The following PLA2R1 variants were observed in gnomAD, a reference collection of about 807,000 sequenced individuals.
PLA2R1 encodes the protein phospholipase A2 receptor 1.
Under a neutral mutation model 195.9 loss-of-function variants are expected in PLA2R1, and 158 were observed. The ratio of observed to expected loss-of-function variants is 0.81; its 90% CI spans 0.71 to 0.92. The LOEUF is 0.92. Among genes scored for constraint, PLA2R1 ranks in the 40% least tolerant of loss-of-function variants. The probability of loss-of-function intolerance (pLI) is 0.00; values close to 1 mark genes in which losing one functional copy is unlikely to be tolerated. For missense variants in PLA2R1, 1,626 were observed against 1,764.6 expected (o/e 0.92, Z 1.41); for synonymous variants, 586 against 598.2 (o/e 0.98, Z 0.30).
At position 159,941,151 on chromosome 2, in the gene PLA2R1, GT is replaced by G. The variant is rs1358519442; in HGVS notation, c.*626del. 6.6e-6 allele frequency: 1 copy of G among 152,144 alleles called. No homozygotes were observed. The highest frequency in any genetic ancestry group is 2.4e-5 in the African/African-American group (1 of 41,436). 9.4% of individuals were successfully genotyped at this position (152,144 alleles called of 1,614,324 possible). On this transcript the variant is annotated 3_prime_UTR_variant, in exon 30 of 30. Coordinates refer to ENST00000283243, the MANE Select transcript of PLA2R1 (RefSeq NM_007366.5). ...GAAGGTCTTTGCCATTTAAAAGAAG[GT>G]ATTTTTCTTTCTCCTTTAGCTTGAG... is the stretch of plus-strand genomic sequence containing the variant.
chr2:160,025,629 T>A (rs1693467503), intron 6 of PLA2R1, among the ~76,000 whole-genome samples: 4 of 105,286 alleles, frequency 3.8e-5, no homozygotes, highest in Admixed American at 2.0e-4. Context: ...GATACACAAC[T>A]GATAAAGAGA....
At chr2:160,000,861 C>T (rs774793914) in intron 11 of PLA2R1, among the ~76,000 whole-genome samples, 4 of 151,882 alleles carry the variant, frequency 2.6e-5, no homozygotes, top group Non-Finnish European at 5.9e-5. Context: ...TAAAATGCAT[C>T]CTTGAGAGAC....
In PLA2R1 at chr2:160,016,697, C is replaced by T. The variant is rs1307122048; in HGVS notation, c.1468G>A (p.Val490Ile). The T allele has an allele frequency of 8.2e-6, 13 of 1,586,716 alleles. No homozygotes were observed. The highest frequency in any genetic ancestry group is 1.1e-5 in the South Asian group (1 of 90,508). The change falls in exon 9 of 30, where the codon GTC (valine) becomes ATC (isoleucine). Residue 490 changes from valine to isoleucine, a missense_variant. Coordinates refer to ENST00000283243, the MANE Select transcript of PLA2R1 (RefSeq NM_007366.5). Reference protein sequence around the residue: ...SAEQSEGHWKVKNCEERLFYI... With the variant: ...SAEQSEGHWKIKNCEERLFYI... Reference sequence around the variant, plus strand: ...AAAAGTCTTTCTTCACAATTTTTGACTTTCCAGTGTCCCTCCTACGGAGAA... The same window carrying T: ...AAAAGTCTTTCTTCACAATTTTTGATTTTCCAGTGTCCCTCCTACGGAGAA...
chr2:159,946,823 C>T lies in PLA2R1; in HGVS notation c.3945G>A (p.Leu1315=), dbSNP rs1687415513. ...TACTGTTACCATCAAATTGAGCATT[C>T]AACCAAACCATCTGGACAGAAGAAC... The part of the protein sequence containing the change: ...AFGSSVQMVW[L]NAQFDGNNET... Residue 1315 remains leucine (L), a synonymous_variant, in exon 27 of 30, where the codon TTG becomes TTA. Transcript: ENST00000283243. 6.2e-7 allele frequency: 1 copy of T among 1,609,088 alleles called. No homozygotes were observed. Among genetic ancestry groups the T allele is most frequent in the South Asian group, 1.1e-5 (1 of 89,996 alleles).
rs112520549 is a variant in PLA2R1, at chr2:159,952,914, A to G, written c.3302-1336T>C. 5.2e-3 allele frequency among the ~76,000 whole-genome samples: 794 copies of G among 152,306 alleles called. 5 individuals carry two copies. Among genetic ancestry groups the G allele is most frequent in the Non-Finnish European group, 8.6e-3 (583 of 68,022 alleles). ...AACCAAAGTAAAATGAATCTCTTTA[A>G]TTTCTGTAAATTGTGATGGATCACA... On this transcript the variant is annotated intron_variant, in intron 23 of 29. Coordinates refer to ENST00000283243, the MANE Select transcript of PLA2R1 (RefSeq NM_007366.5).
intron 14 of PLA2R1, 115 bp downstream of exon 14, chr2:159,979,715 G>T: frequency 5.0e-6 from 3 of 604,194 alleles, no homozygotes; most frequent in Non-Finnish European, 6.0e-6. Context: ...GTCTGGTGCA[G>T]TTTTGTCATG....
intron 1 of PLA2R1, among the ~76,000 whole-genome samples, chr2:160,057,476 C>T (rs985646673): frequency 4.6e-5 from 7 of 152,194 alleles, no homozygotes; most frequent in East Asian, 3.8e-4. Context: ...TTGCCTGACA[C>T]GTGATCCTGG....
chr2:160,002,346 A>G (rs1691662152), intron 11 of PLA2R1, among the ~76,000 whole-genome samples: 1 of 152,026 alleles, frequency 6.6e-6, no homozygotes, highest in Non-Finnish European at 1.5e-5. Flanking sequence ...AGCATTACAG[A>G]AATTGAATTA....
At position 160,013,336 on chromosome 2, in the gene PLA2R1, T is replaced by G; in HGVS notation, c.1591A>C (p.Thr531Pro). ...GCTTGGTCAAAGCTTCGAAGGACTGTGTCAATTTTGTAACAGAATCCACCA... is the reference window on the plus strand; with the variant it reads ...GCTTGGTCAAAGCTTCGAAGGACTGGGTCAATTTTGTAACAGAATCCACCA... Reference protein sequence around the residue: ...RHGGFCYKIDTVLRSFDQASS... With the variant: ...RHGGFCYKIDPVLRSFDQASS... Residue 531 changes from threonine to proline, a missense_variant, in exon 10 of 30, where the codon ACA becomes CCA. By Grantham distance (38) the Thr-to-Pro change is conservative. Coordinates refer to ENST00000283243, the MANE Select transcript of PLA2R1 (RefSeq NM_007366.5). 1 of 1,610,594 alleles carries G rather than the reference T, an allele frequency of 6.2e-7. No individual in the cohort carries two copies. The highest frequency in any genetic ancestry group is 2.2e-5 in the East Asian group (1 of 44,772).
intron 6 of PLA2R1, among the ~76,000 whole-genome samples, chr2:160,023,489 G>T (rs1693281519): frequency 6.6e-6 from 1 of 152,148 alleles, no homozygotes; most frequent in Non-Finnish European, 1.5e-5. Context: ...ACCCTACATG[G>T]TCTAAAAGGG....
chr2:159,974,897 AAAGACATTTCTTTCTC>A (rs1333437764), intron 17 of PLA2R1, among the ~76,000 whole-genome samples: 1 of 152,182 alleles, frequency 6.6e-6, no homozygotes, highest in East Asian at 1.9e-4. Context: ...AACTGTGAGG[AAAGACATTTCTTTCTC>A]AAGCCTAGGA....
intron 8 of PLA2R1, among the ~76,000 whole-genome samples, chr2:160,017,823 G>A (rs963931662): frequency 6.6e-6 from 1 of 152,130 alleles, no homozygotes; most frequent in Non-Finnish European, 1.5e-5. Context: ...GCCCTTCCAT[G>A]ACCCTTAGAA....
intron 20 of PLA2R1, among the ~76,000 whole-genome samples, chr2:159,960,691 A>C (rs1011964259): frequency 6.6e-6 from 1 of 152,212 alleles, no homozygotes; most frequent in African/African-American, 2.4e-5. Flanking sequence ...TAGATGACTC[A>C]TTCTTCCTGG....
Position 159,935,551 on chromosome 2 carries a change from G to C in PLA2R1, c.*6227C>G, listed in dbSNP as rs765071529. The C allele has an allele frequency of 5.9e-5, 9 of 152,194 alleles. No homozygotes were observed. The highest frequency in any genetic ancestry group is 1.2e-4 in the Non-Finnish European group (8 of 68,022). The allele number at this position is 152,194 out of a possible 1,614,324, so 9.4% of individuals were successfully genotyped here. A position where few individuals can be genotyped will look rare whatever the true frequency, so the allele number is the denominator to read the frequency against. On this transcript the variant is annotated 3_prime_UTR_variant, in exon 30 of 30. Transcript: ENST00000283243. ...TAATTTTTTATTGTTTGCTCAAATT[G>C]TTCCAGCATTTCCACTGGAGAGCTC...
intron 3 of PLA2R1, among the ~76,000 whole-genome samples, chr2:160,036,639 T>C (rs1332064201): frequency 6.6e-6 from 1 of 152,220 alleles, no homozygotes; most frequent in African/African-American, 2.4e-5. Context: ...CAAGGTCCTC[T>C]TCAGGTGCCT....
chr2:160,028,473 T>C lies in PLA2R1; in HGVS notation c.956-112A>G, dbSNP rs1432556603. On this transcript the variant is annotated intron_variant, in intron 5 of 29. Transcript: ENST00000283243. ...CAGCGTTTCTATTTGTCATATATAGTAAATCCTATAAGATGTTATCTATGA... is the reference window on the plus strand; with the variant it reads ...CAGCGTTTCTATTTGTCATATATAGCAAATCCTATAAGATGTTATCTATGA... The C allele has an allele frequency of 9.4e-6, 7 of 741,042 alleles. No individual in the cohort carries two copies. In the African/African-American group the frequency reaches 1.1e-4, roughly 11 times the overall value. The allele number at this position is 741,042 out of a possible 1,614,324, so 45.9% of individuals were successfully genotyped here. A position where few individuals can be genotyped will look rare whatever the true frequency, so the allele number is the denominator to read the frequency against.
At chr2:159,962,651 T>C (rs985921621) in intron 20 of PLA2R1, among the ~76,000 whole-genome samples, 1 of 152,108 alleles carries the variant, frequency 6.6e-6, no homozygotes, top group Non-Finnish European at 1.5e-5. Context: ...CCATCAATGA[T>C]AGACTGGATA....
chr2:159,952,302 C>T (rs758531282), intron 23 of PLA2R1, among the ~76,000 whole-genome samples: 18 of 152,030 alleles, frequency 1.2e-4, no homozygotes, highest in Non-Finnish European at 2.1e-4. Flanking sequence ...TTTATGAACA[C>T]GTGTTTCCTC....
Position 160,045,015 on chromosome 2 carries a change from T to A in PLA2R1, c.252A>T (p.Ile84=). ...TCAGGCCCAGGCAACCACTGCCTCC[T>A]ATGTTAAAGAGGCCATGGTTTGAAA... ...KWVSNHGLFN[I]GGSGCLGLNF... The change falls in exon 2 of 30, where the codon ATA becomes ATT. Residue 84 remains isoleucine (I), a synonymous_variant. Transcript: ENST00000283243. The A allele has an allele frequency of 6.2e-7, 1 of 1,614,186 alleles. No individual in the cohort carries two copies. The highest frequency in any genetic ancestry group is 1.3e-5 in the African/African-American group (1 of 75,042).
Sources: allele counts gnomAD v4.1 joint callset (sites outside exome capture counted in the v4.1 genomes callset), GRCh38; gene constraint gnomAD v4.1.1; transcripts MANE v1.5; gene names NCBI Gene and HGNC (gene_info 2026-07-23, HGNC 2026-07-21).